The following PIEZO2 variants were observed in gnomAD, a reference collection of about 807,000 sequenced individuals.
The protein encoded by PIEZO2 is piezo type mechanosensitive ion channel component 2, also known as piezo-type mechanosensitive ion channel component 2.
Under a neutral mutation model 337.3 loss-of-function variants are expected in PIEZO2, and 172 were observed. The ratio of observed to expected loss-of-function variants is 0.51; its 90% CI spans 0.45 to 0.58. The LOEUF (loss-of-function observed/expected upper bound fraction) is 0.58. Ranked by LOEUF, PIEZO2 falls within the 20% of genes least tolerant of loss-of-function variation. The probability of loss-of-function intolerance (pLI) is 0.00; values close to 1 mark genes in which losing one functional copy is unlikely to be tolerated. For synonymous variants in PIEZO2, 1,251 were observed against 1,228.5 expected (o/e 1.02, Z -0.38); for missense variants, 3,028 against 3,391.3 (o/e 0.89, Z 2.66).
chr18:10,761,379 A>G (rs2038125564), intron 23 of PIEZO2, among the ~76,000 whole-genome samples: 2 of 152,172 alleles, frequency 1.3e-5, no homozygotes, highest in Admixed American at 6.5e-5. Flanking sequence ...ACAACTACAC[A>G]TCTCACACCA....
At chr18:10,739,763 T>TAA (rs1296981799) in intron 33 of PIEZO2, 1 of 152,234 alleles carries the variant, frequency 6.6e-6, no homozygotes, top group Non-Finnish European at 1.5e-5. Context: ...CTTTCTAATC[T>TAA]TGTGTTTTTC....
intron 52 of PIEZO2, among the ~76,000 whole-genome samples, chr18:10,678,136 G>T (rs1567938565): frequency 6.6e-6 from 1 of 152,164 alleles, no homozygotes; most frequent in African/African-American, 2.4e-5. Flanking sequence ...GACCAAAAGA[G>T]AACCCATCTT....
rs1006899087 is a variant in PIEZO2 at position 11,146,041 on chromosome 18, C to T, written c.64+2484G>A. 4.6e-5 allele frequency among the ~76,000 whole-genome samples: 7 copies of T among 152,164 alleles called. No homozygotes were observed. Among genetic ancestry groups the T allele is most frequent in the African/African-American group, 1.4e-4 (6 of 41,430 alleles). On this transcript the variant is annotated intron_variant, in intron 1 of 55. Transcript: ENST00000674853. This position sits in a 1 kb window ranked among gnomAD's most constrained non-coding sequence, Gnocchi z 6.1. ...CACACATACTCATAACACATGTGCA[C>T]ACTCACACTTATGCACTCAAACTCA...
chr18:11,039,125 C>G (rs979421525), intron 2 of PIEZO2, among the ~76,000 whole-genome samples: 2 of 152,162 alleles, frequency 1.3e-5, no homozygotes, highest in African/African-American at 4.8e-5. Flanking sequence ...AAGAACAGAA[C>G]GAATACAACC....
At chr18:10,939,455 GAC>G (rs1449224398) in intron 3 of PIEZO2, among the ~76,000 whole-genome samples, 3 of 152,112 alleles carry the variant, frequency 2.0e-5, no homozygotes. Context: ...CTACTATAAA[GAC>G]ACATGCATAC....
intron 7 of PIEZO2, among the ~76,000 whole-genome samples, chr18:10,809,290 GAGAC>G (rs2040107090): frequency 8.9e-5 from 1 of 11,220 alleles, no homozygotes; most frequent in African/African-American, 2.3e-4. Context: ...TTTTTTTTTT[GAGAC>G]AGAGTCTCAC....
chr18:11,028,244 C>T lies in PIEZO2; in HGVS notation c.160+37883G>A, dbSNP rs1391914316. Among the ~76,000 whole-genome samples, 4 of 151,914 alleles carry T rather than the reference C, an allele frequency of 2.6e-5. No homozygotes were observed. The highest frequency in any genetic ancestry group is 1.5e-5 in the Non-Finnish European group (1 of 67,992). ...CTTTCTTTTCTTTTCTTTTCTTCTTCTTCTTCTTTATTTTTTATTATTTTT... is the reference window on the plus strand; with the variant it reads ...CTTTCTTTTCTTTTCTTTTCTTCTTTTTCTTCTTTATTTTTTATTATTTTT... On this transcript the variant is annotated intron_variant, in intron 2 of 55. Coordinates refer to ENST00000674853, the MANE Select transcript of PIEZO2 (RefSeq NM_001378183.1). The surrounding 1 kb of genome is among the most constrained non-coding windows in gnomAD (Gnocchi z 4.8).
rs991480379 is a variant in PIEZO2 at position 10,759,276 on chromosome 18, A to T, written c.3757+206T>A. 2.6e-5 allele frequency among the ~76,000 whole-genome samples: 4 copies of T among 151,916 alleles called. No individual in the cohort carries two copies. The highest frequency in any genetic ancestry group is 6.6e-5 in the Admixed American group (1 of 15,256). ...GTGAAATTATGCAAGTGAATATGGC[A>T]TTTCCAACACTGATTTATTAATTTT... On this transcript the variant is annotated intron_variant, in intron 26 of 55. Transcript: ENST00000674853. This position sits in a 1 kb window ranked among gnomAD's most constrained non-coding sequence, Gnocchi z 5.5.
chr18:10,997,964 T>C (rs1285053749), intron 2 of PIEZO2, among the ~76,000 whole-genome samples: 5 of 152,134 alleles, frequency 3.3e-5, no homozygotes, highest in Non-Finnish European at 7.4e-5. Context: ...CACTCCCAGA[T>C]ACATAACTAA....
At chr18:10,733,129 G>A (rs1425126759) in intron 35 of PIEZO2, among the ~76,000 whole-genome samples, 1 of 152,104 alleles carries the variant, frequency 6.6e-6, no homozygotes, top group African/African-American at 2.4e-5. Flanking sequence ...TGTAGAAAGG[G>A]TGGGTGCCAT....
chr18:11,013,958 C>G (rs1303933774), intron 2 of PIEZO2, among the ~76,000 whole-genome samples: 4 of 152,212 alleles, frequency 2.6e-5, no homozygotes, highest in African/African-American at 4.8e-5. Context: ...TACAAGACAG[C>G]TAATGAGACG....
rs1233433845 is a variant in PIEZO2 at position 11,125,520 on chromosome 18, CGTT to C, written c.64+23002_64+23004del. ...GCTAAGAGTCCAGCACACTTCATTA[CGTT>C]GTTGGATTGTTTCCTCAATACATCT... is the stretch of plus-strand genomic sequence containing the variant. On this transcript the variant is annotated intron_variant, in intron 1 of 55. Transcript: ENST00000674853. The surrounding 1 kb of genome is among the most constrained non-coding windows in gnomAD (Gnocchi z 4.4). Among the ~76,000 whole-genome samples the C allele has an allele frequency of 1.3e-5, 2 of 152,192 alleles. No homozygotes were observed. The highest frequency in any genetic ancestry group is 4.8e-5 in the African/African-American group (2 of 41,438).
At chr18:10,882,454 C>T (rs2042447326) in intron 4 of PIEZO2, among the ~76,000 whole-genome samples, 1 of 152,134 alleles carries the variant, frequency 6.6e-6, no homozygotes, top group Non-Finnish European at 1.5e-5. Context: ...TGGGAATTGA[C>T]AAATTGTATT....
In PIEZO2 at chr18:10,794,275, T is replaced by C. The variant is rs951732455; in HGVS notation, c.1758+497A>G. Among the ~76,000 whole-genome samples, 12 of 152,232 alleles carry C rather than the reference T, an allele frequency of 7.9e-5. No homozygotes were observed. Among genetic ancestry groups the C allele is most frequent in the Admixed American group, 7.2e-4 (11 of 15,296 alleles). On this transcript the variant is annotated intron_variant, in intron 13 of 55. Transcript: ENST00000674853. The surrounding 1 kb of genome is among the most constrained non-coding windows in gnomAD (Gnocchi z 6.6). Reference sequence around the variant, plus strand: ...CTAACTCAGATAAGAACATATCATATAATCAGTAGAAGAAAAACAGCAAGT... The same window carrying C: ...CTAACTCAGATAAGAACATATCATACAATCAGTAGAAGAAAAACAGCAAGT...
chr18:10,757,457 A>G (rs12605492), intron 27 of PIEZO2, among the ~76,000 whole-genome samples: 141 of 29,886 alleles, frequency 4.7e-3, no homozygotes, highest in East Asian at 9.3e-3. Flanking sequence ...TGGGGATAAG[A>G]ATGAGCTATG....
intron 21 of PIEZO2, among the ~76,000 whole-genome samples, chr18:10,768,440 T>C (rs1294833599): frequency 6.6e-6 from 1 of 152,134 alleles, no homozygotes; most frequent in Admixed American, 6.5e-5. Flanking sequence ...GCACACACTG[T>C]CAAGAACCCA....
chr18:11,069,022 G>A lies in PIEZO2; in HGVS notation c.65-2800C>T, dbSNP rs762647792. Among the ~76,000 whole-genome samples, 32 of 151,754 alleles carry A rather than the reference G, an allele frequency of 2.1e-4. No homozygotes were observed. Among genetic ancestry groups the A allele is most frequent in the Admixed American group, 7.2e-4 (11 of 15,228 alleles). ...AGTAAAAAGTAAGGAGATTGGAATC[G>A]GTGATAAAAAGTCTCCCCTCAAAAA... On this transcript the variant is annotated intron_variant, in intron 1 of 55. Coordinates refer to ENST00000674853, the MANE Select transcript of PIEZO2 (RefSeq NM_001378183.1). This position sits in a 1 kb window ranked among gnomAD's most constrained non-coding sequence, Gnocchi z 4.9.
rs150493442 is a variant in PIEZO2, at chr18:10,804,330, G to T, written c.1081-336C>A. Among the ~76,000 whole-genome samples, 3,412 of 152,258 alleles carry T rather than the reference G, an allele frequency of 0.022. 58 individuals are homozygous for T. The highest frequency in any genetic ancestry group is 0.1 in the Middle Eastern group (30 of 294). ...CTCTTAGCCAAGAGCCTTCACAAAG[G>T]TGCGCGGTTAACCGTGTAAGCCAGC... On this transcript the variant is annotated intron_variant, in intron 8 of 55. Coordinates refer to ENST00000674853, the MANE Select transcript of PIEZO2 (RefSeq NM_001378183.1).
chr18:10,923,662 C>G (rs1235083946), intron 3 of PIEZO2, among the ~76,000 whole-genome samples: 1 of 152,236 alleles, frequency 6.6e-6, no homozygotes, highest in East Asian at 1.9e-4. Flanking sequence ...CAGCTTTTAT[C>G]CCTCCTCAGA....
Sources: allele counts gnomAD v4.1 joint callset (sites outside exome capture counted in the v4.1 genomes callset), GRCh38; gene constraint gnomAD v4.1.1; non-coding constraint Gnocchi (gnomAD v3.1); transcripts MANE v1.5; gene names NCBI Gene and HGNC (gene_info 2026-07-23, HGNC 2026-07-21).